Variants in SH3KBP1 observed in about 807,000 individuals in gnomAD.
SH3KBP1 encodes SH3 domain-containing kinase-binding protein 1.
SH3KBP1 carries 8 observed loss-of-function variants against 50.1 expected under a neutral mutation model. The ratio of observed to expected loss-of-function variants is 0.16; its 90% CI spans 0.09 to 0.29. The LOEUF is 0.29. Ranked by LOEUF, SH3KBP1 falls within the 10% of genes least tolerant of loss-of-function variation. The probability of loss-of-function intolerance (pLI) is 1.00; values close to 1 mark genes in which losing one functional copy is unlikely to be tolerated. For missense variants in SH3KBP1, 377 were observed against 535.2 expected, an observed-to-expected ratio of 0.70 and a Z score of 2.92; for synonymous variants, 227 against 218.6, an observed-to-expected ratio of 1.04 and a Z score of -0.34.
chrX:19,658,836 C>T (rs957151221), intron 6 of SH3KBP1, among the ~76,000 whole-genome samples: 2 of 111,499 alleles, frequency 1.8e-5, no homozygotes, highest in South Asian at 3.8e-4. Context: ...GGATTACAGG[C>T]GTGAGCCACC....
intron 3 of SH3KBP1, among the ~76,000 whole-genome samples, chrX:19,720,954 A>G (rs1253506113): frequency 9.0e-6 from 1 of 111,493 alleles, no homozygotes; most frequent in Non-Finnish European, 1.9e-5. Context: ...AGTACCAAAA[A>G]TGGCCACTGT....
At chrX:19,789,960 G>A (rs2066481681) in intron 2 of SH3KBP1, among the ~76,000 whole-genome samples, 2 of 110,403 alleles carry the variant, frequency 1.8e-5, no homozygotes, top group African/African-American at 3.3e-5. Flanking sequence ...CATCCCCTGG[G>A]AAAGGCCAGG....
chrX:19,729,138 A>C (rs988115061), intron 3 of SH3KBP1, among the ~76,000 whole-genome samples: 16 of 112,798 alleles, frequency 1.4e-4, no homozygotes, highest in Non-Finnish European at 2.2e-4. Context: ...GGATATTTGT[A>C]AACTGTTACT....
At chrX:19,710,404 G>A (rs1177453084) in intron 3 of SH3KBP1, among the ~76,000 whole-genome samples, 4 of 111,542 alleles carry the variant, frequency 3.6e-5, no homozygotes, top group Middle Eastern at 4.2e-3. Context: ...ATCATCAGAA[G>A]GTCAATAGTA....
At chrX:19,622,593 T>C (rs2067871139) in intron 8 of SH3KBP1, among the ~76,000 whole-genome samples, 2 of 112,382 alleles carry the variant, frequency 1.8e-5, no homozygotes, top group African/African-American at 6.5e-5. Flanking sequence ...ATTTCACAGA[T>C]GTGAAAACTG....
At chrX:19,553,717 C>T (rs2065309886) in intron 13 of SH3KBP1, among the ~76,000 whole-genome samples, 2 of 103,081 alleles carry the variant, frequency 1.9e-5, no homozygotes, top group Admixed American at 2.3e-4. Flanking sequence ...CACAGTGAAG[C>T]CTGGCCACGC....
Position 19,724,731 on chromosome X carries a change from C to T in SH3KBP1, c.287-17747G>A, listed in dbSNP as rs190618976. ...AAGTGTTAAGAGTCCAAATCAGAAACCAGGGAATATTTTTTTAAAAAGGAA... is the reference window on the plus strand; with the variant it reads ...AAGTGTTAAGAGTCCAAATCAGAAATCAGGGAATATTTTTTTAAAAAGGAA... On this transcript the variant is annotated intron_variant, in intron 3 of 17. Transcript: ENST00000397821. Among the ~76,000 whole-genome samples, 6 of 112,774 alleles carry T rather than the reference C, an allele frequency of 5.3e-5. No homozygotes were observed. The East Asian group carries it at 1.7e-3, about 31-fold the overall frequency.
At chrX:19,819,329 T>C (rs1294280192) in intron 2 of SH3KBP1, among the ~76,000 whole-genome samples, 1 of 111,348 alleles carries the variant, frequency 9.0e-6, no homozygotes, top group Admixed American at 9.6e-5. Context: ...CCCATTTTAT[T>C]GATCTTTTTA....
chrX:19,554,747 G>T (rs745850404), intron 13 of SH3KBP1, among the ~76,000 whole-genome samples: 1 of 111,934 alleles, frequency 8.9e-6, no homozygotes, highest in South Asian at 3.7e-4. Context: ...TTTTAGTTTG[G>T]AAAGAGCACT....
intron 2 of SH3KBP1, among the ~76,000 whole-genome samples, chrX:19,809,440 CT>C (rs2067144651): frequency 9.1e-6 from 1 of 110,422 alleles, no homozygotes; most frequent in South Asian, 3.9e-4. Context: ...AGGAGAATCA[CT>C]TGAACCCGGG....
intron 6 of SH3KBP1, chrX:19,670,493 G>GAGATGT: frequency 2.9e-6 from 1 of 340,676 alleles, no homozygotes; most frequent in Non-Finnish European, 3.8e-6. Flanking sequence ...TGGTGTAACA[G>GAGATGT]TTACCGCTTG....
chrX:19,782,953 A>T (rs781709005), intron 2 of SH3KBP1, among the ~76,000 whole-genome samples: 14 of 111,521 alleles, frequency 1.3e-4, no homozygotes, highest in African/African-American at 3.9e-4. Flanking sequence ...AGAGAAAAAA[A>T]ACAACAACAA....
intron 16 of SH3KBP1, among the ~76,000 whole-genome samples, chrX:19,539,726 C>CTTGAG (rs1263503458): frequency 9.0e-6 from 1 of 111,503 alleles, no homozygotes; most frequent in Non-Finnish European, 1.9e-5. Flanking sequence ...CTGGTGTGGA[C>CTTGAG]TTGAGTTGAA....
At chrX:19,852,636 G>GAAA (rs760707711) in intron 1 of SH3KBP1, among the ~76,000 whole-genome samples, 5 of 51,943 alleles carry the variant, frequency 9.6e-5, no homozygotes, top group African/African-American at 3.3e-4. Flanking sequence ...TAGCTGCACA[G>GAAA]AAAAAAAAAA....
At chrX:19,786,599 T>C (rs2066355977) in intron 2 of SH3KBP1, among the ~76,000 whole-genome samples, 1 of 112,119 alleles carries the variant, frequency 8.9e-6, no homozygotes, top group South Asian at 3.6e-4. Flanking sequence ...AATACTATTG[T>C]CTTCACACCT....
intron 13 of SH3KBP1, among the ~76,000 whole-genome samples, chrX:19,552,162 G>A (rs1248799756): frequency 8.9e-6 from 1 of 112,012 alleles, no homozygotes; most frequent in East Asian, 2.8e-4. Context: ...TTTAATTGTT[G>A]TTGCACTGCA....
intron 6 of SH3KBP1, among the ~76,000 whole-genome samples, chrX:19,647,210 T>C (rs1288949042): frequency 9.2e-6 from 1 of 109,267 alleles, no homozygotes; most frequent in Non-Finnish European, 1.9e-5. Flanking sequence ...CTGGTATCAC[T>C]GAACAAAGAA....
At chrX:19,536,551 AAAC>A in intron 17 of SH3KBP1, 93 bp from the exon 18 acceptor site, 1 of 552,491 alleles carries the variant, frequency 1.8e-6, no homozygotes, top group Non-Finnish European at 3.0e-6. Flanking sequence ...GACTGAAAGA[AAAC>A]AATCAATCTG....
At chrX:19,769,064 G>A in intron 2 of SH3KBP1, among the ~76,000 whole-genome samples, 1 of 104,262 alleles carries the variant, frequency 9.6e-6, no homozygotes. Flanking sequence ...TTATTATACA[G>A]CTGCGTTATA....
Sources: gnomAD v4.1 joint callset for allele counts (sites outside exome capture counted in the v4.1 genomes callset) on GRCh38, gnomAD v4.1.1 for gene constraint, MANE v1.5 for transcripts, NCBI Gene and HGNC (gene_info 2026-07-23, HGNC 2026-07-21) for gene names.